Variants in SLC44A5 observed in about 807,000 individuals in gnomAD.
SLC44A5 encodes solute carrier family 44 member 5.
A neutral mutation model predicts 101.8 loss-of-function variants in SLC44A5; 57 were observed. The observed-to-expected ratio is 0.56, with a 90% CI of 0.45 to 0.70. The LOEUF (loss-of-function observed/expected upper bound fraction) is 0.70, where lower values mean the gene tolerates loss of function less well. Ranked by LOEUF, SLC44A5 falls within the 30% of genes least tolerant of loss-of-function variation. The pLI is 0.00. For missense variants in SLC44A5, 737 were observed against 853.1 expected (o/e 0.86, Z 1.70); for synonymous variants, 281 against 290.9 (o/e 0.97, Z 0.35).
the SLC44A5 span, among the ~76,000 whole-genome samples, chr1:75,702,933 A>G: frequency 6.6e-6 from 1 of 152,156 alleles, no homozygotes; most frequent in Non-Finnish European, 1.5e-5. Context: ...TGGCCATCAG[A>G]GAAATACAAA....
intron 2 of SLC44A5, among the ~76,000 whole-genome samples, chr1:75,479,670 T>G (rs867668145): frequency 6.6e-6 from 1 of 152,124 alleles, no homozygotes; most frequent in Admixed American, 6.6e-5. Context: ...ATAAATTCCT[T>G]GACACATACA....
In SLC44A5 at chr1:75,460,985, G is replaced by C. The variant is rs535026410; in HGVS notation, c.14-64364C>G. Among the ~76,000 whole-genome samples, 12 of 151,528 alleles carry C rather than the reference G, an allele frequency of 7.9e-5. No individual in the cohort carries two copies. The South Asian group carries it at 1.5e-3, about 18-fold the overall frequency. ...TGCAAATTTATCCACAATATGGGGA[G>C]AGTTTTACAGATGTATATCACCATA... On this transcript the variant is annotated intron_variant, in intron 2 of 23. Coordinates refer to ENST00000370859, the MANE Select transcript of SLC44A5 (RefSeq NM_001130058.2).
chr1:75,377,040 C>G (rs1337056684), intron 3 of SLC44A5, among the ~76,000 whole-genome samples: 2 of 152,154 alleles, frequency 1.3e-5, no homozygotes, highest in African/African-American at 2.4e-5. Flanking sequence ...GAAGAAGCCT[C>G]AGGAGTCGAT....
rs374609254 is a variant in SLC44A5 at position 75,296,698 on chromosome 1, G to A, written c.175+3914C>T. ...TTTCTCATTTTCTTTCAAACTCACC[G>A]ACAGCCTCCTCAAAACTCACGGGGT... On this transcript the variant is annotated intron_variant, in intron 5 of 23. Transcript: ENST00000370859. Among the ~76,000 whole-genome samples the A allele has an allele frequency of 7.2e-5, 11 of 152,008 alleles. No homozygotes were observed. In the South Asian group the frequency reaches 1.2e-3, roughly 17 times the overall value.
chr1:75,264,270 GTGC>G (rs1234531496), intron 6 of SLC44A5, among the ~76,000 whole-genome samples: 2 of 152,112 alleles, frequency 1.3e-5, no homozygotes, highest in Non-Finnish European at 2.9e-5. Context: ...CTGCAGCCAT[GTGC>G]TGCTGCTGGC....
the SLC44A5 span, among the ~76,000 whole-genome samples, chr1:75,709,216 A>G: frequency 6.6e-6 from 1 of 152,236 alleles, no homozygotes; most frequent in South Asian, 2.1e-4. Flanking sequence ...AACCAAATGT[A>G]TGCAAGTCCC....
intron 5 of SLC44A5, among the ~76,000 whole-genome samples, chr1:75,289,181 T>C (rs1653326746): frequency 6.6e-6 from 1 of 152,172 alleles, no homozygotes; most frequent in African/African-American, 2.4e-5. Flanking sequence ...GTTGTCAGAT[T>C]TGAGTAGAGC....
At chr1:75,463,412 T>C (rs751290169) in intron 2 of SLC44A5, among the ~76,000 whole-genome samples, 20 of 99,286 alleles carry the variant, frequency 2.0e-4, no homozygotes, top group Non-Finnish European at 3.2e-4. Flanking sequence ...AGAGCGGGAC[T>C]CTGTCTCAAA....
the SLC44A5 span, among the ~76,000 whole-genome samples, chr1:75,685,141 G>T: frequency 6.6e-6 from 1 of 152,164 alleles, no homozygotes; most frequent in Non-Finnish European, 1.5e-5. Flanking sequence ...GCCCCTTTTA[G>T]CCATGGCAGG....
chr1:75,620,069 G>A, the SLC44A5 span, among the ~76,000 whole-genome samples: 1 of 152,064 alleles, frequency 6.6e-6, no homozygotes, highest in Non-Finnish European at 1.5e-5. Context: ...ACTTATGATT[G>A]ACAACATGTG....
At chr1:75,225,913 G>A (rs776242187) in intron 13 of SLC44A5, among the ~76,000 whole-genome samples, 24 of 152,128 alleles carry the variant, frequency 1.6e-4, no homozygotes, top group Non-Finnish European at 2.9e-4. Flanking sequence ...TGAGACAGCC[G>A]GGGGTGGGCA....
At chr1:75,432,635 A>G (rs1664678222) in intron 2 of SLC44A5, among the ~76,000 whole-genome samples, 1 of 152,084 alleles carries the variant, frequency 6.6e-6, no homozygotes, top group Non-Finnish European at 1.5e-5. Context: ...TTGCTGTGTG[A>G]CTACACTACT....
At chr1:75,488,026 T>C (rs1008380955) in intron 2 of SLC44A5, among the ~76,000 whole-genome samples, 4 of 151,724 alleles carry the variant, frequency 2.6e-5, no homozygotes, top group South Asian at 2.1e-4. Flanking sequence ...GGGATCTACG[T>C]TGTATGCTTC....
At position 75,255,711 on chromosome 1, in the gene SLC44A5, C is replaced by T. The variant is rs528678336; in HGVS notation, c.261-4417G>A. Among the ~76,000 whole-genome samples the T allele has an allele frequency of 7.2e-5, 11 of 152,120 alleles. No individual in the cohort carries two copies. In the South Asian group the frequency reaches 2.3e-3, roughly 32 times the overall value. On this transcript the variant is annotated intron_variant, in intron 6 of 23. Transcript: ENST00000370859. ...GGACTCAAAGAAAGAATTAAACAGG[C>T]CTCTATCAAATTGTGAGATTTCAGA...
intron 4 of SLC44A5, among the ~76,000 whole-genome samples, chr1:75,321,976 A>C (rs1656185290): frequency 6.6e-6 from 1 of 152,118 alleles, no homozygotes. Context: ...TTATCTCCAC[A>C]ATGTAACTAC....
chr1:75,408,060 A>G (rs1009491279), intron 2 of SLC44A5, among the ~76,000 whole-genome samples: 1 of 152,252 alleles, frequency 6.6e-6, no homozygotes, highest in African/African-American at 2.4e-5. Context: ...AAGGATATGA[A>G]CAGACACTTC....
At chr1:75,716,656 A>G in the SLC44A5 span, among the ~76,000 whole-genome samples, 2 of 152,222 alleles carry the variant, frequency 1.3e-5, no homozygotes, top group African/African-American at 4.8e-5. Flanking sequence ...AGACACACGC[A>G]TATGTATGTT....
chr1:75,206,724 A>C (rs1336427241), intron 23 of SLC44A5: 1 of 1,533,382 alleles, frequency 6.5e-7, no homozygotes, highest in Non-Finnish European at 9.0e-7. Flanking sequence ...CTTCACCTGT[A>C]TATGCAGCAG....
At chr1:75,214,251 C>T (rs80184819) in intron 20 of SLC44A5, among the ~76,000 whole-genome samples, 3,020 of 152,040 alleles carry the variant, frequency 0.02, 38 homozygotes, top group Non-Finnish European at 0.032. Context: ...CCTATAGACA[C>T]CCTGAGTCCT....
Sources: gnomAD v4.1 joint callset for allele counts (sites outside exome capture counted in the v4.1 genomes callset) on GRCh38, gnomAD v4.1.1 for gene constraint, MANE v1.5 for transcripts, NCBI Gene and HGNC (gene_info 2026-07-23, HGNC 2026-07-21) for gene names.